The following RABGAP1 variants were observed in gnomAD, a reference collection of about 807,000 sequenced individuals.
The protein encoded by RABGAP1 is RAB GTPase activating protein 1.
Under a neutral mutation model 137.6 loss-of-function variants are expected in RABGAP1, and 23 were observed. The ratio of observed to expected loss-of-function variants is 0.17; its 90% CI spans 0.12 to 0.24. RABGAP1 has a LOEUF of 0.24. RABGAP1 is among the 10% of genes least tolerant of loss of function. The pLI is 1.00. For missense variants in RABGAP1, 906 were observed against 1,275.8 expected (o/e 0.71, Z 4.42); for synonymous variants, 451 against 450.7 (o/e 1.00, Z -0.01).
intron 13 of RABGAP1, among the ~76,000 whole-genome samples, chr9:123,027,084 T>C (rs371894432): frequency 1.1e-4 from 16 of 151,744 alleles, no homozygotes; most frequent in East Asian, 3.9e-4. Context: ...AAATAACCAA[T>C]ATTTACATTT....
intron 19 of RABGAP1, among the ~76,000 whole-genome samples, chr9:123,079,884 T>C (rs2034654144): frequency 6.6e-6 from 1 of 152,196 alleles, no homozygotes; most frequent in Non-Finnish European, 1.5e-5. Flanking sequence ...CCTACTGGAA[T>C]GGAGGCTGTG....
At chr9:123,032,806 A>G (rs892043986) in intron 13 of RABGAP1, among the ~76,000 whole-genome samples, 2 of 152,226 alleles carry the variant, frequency 1.3e-5, no homozygotes, top group East Asian at 1.9e-4. Flanking sequence ...ACAATATAAT[A>G]TGATACAGTT....
intron 3 of RABGAP1, among the ~76,000 whole-genome samples, chr9:122,985,591 G>T (rs1446448783): frequency 8.4e-6 from 1 of 118,412 alleles, no homozygotes; most frequent in Non-Finnish European, 1.6e-5. Context: ...TCAGCCTGGC[G>T]ACAGAGCGAG....
In RABGAP1 at chr9:123,101,591, G is replaced by A; in HGVS notation, c.2915G>A (p.Cys972Tyr). The change falls in exon 25 of 26, where the codon TGC becomes TAC. Residue 972 changes from cysteine (C) to tyrosine (Y), a missense_variant. Cys to Tyr is a radical substitution (Grantham distance 194, BLOSUM62 -2). Transcript: ENST00000373647. The part of the protein sequence containing the change: ...IRQKVDDCER[C>Y]REFFNKEGRV... ...CAAAAAGTGGATGACTGTGAGCGGTGCCGGGAATTTTTCAACAAAGAAGGG... is the reference window on the plus strand; with the variant it reads ...CAAAAAGTGGATGACTGTGAGCGGTACCGGGAATTTTTCAACAAAGAAGGG... The A allele has an allele frequency of 6.2e-7, 1 of 1,614,076 alleles. No homozygotes were observed. The highest frequency in any genetic ancestry group is 8.5e-7 in the Non-Finnish European group (1 of 1,180,004).
At chr9:123,051,216 G>GTTTTTTTTTTTTTTTTTTTTTTTTTT (rs552457119) in intron 13 of RABGAP1, among the ~76,000 whole-genome samples, 1 of 34,280 alleles carries the variant, frequency 2.9e-5, no homozygotes, top group Non-Finnish European at 5.6e-5. Context: ...ATTCACCTTG[G>GTTTTTTTTTTTTTTTTTTTTTTTTTT]TTTTTTTTTT....
intron 1 of RABGAP1, among the ~76,000 whole-genome samples, chr9:122,941,911 G>A (rs1833593273): frequency 6.6e-6 from 1 of 152,234 alleles, no homozygotes; most frequent in African/African-American, 2.4e-5. Flanking sequence ...GGAAACAAAT[G>A]TCCTAGGAGA....
Position 122,957,163 on chromosome 9 carries a change from C to T in RABGAP1, c.104C>T (p.Thr35Ile), listed in dbSNP as rs775007107. Reference sequence around the variant, plus strand: ...TTGGTTTCCAGGCAAGGAGATGAGACACCATCTACAAATAATGGAAGTGAT... The same window carrying T: ...TTGGTTTCCAGGCAAGGAGATGAGATACCATCTACAAATAATGGAAGTGAT... Reference protein sequence around the residue: ...FVLVSRQGDETPSTNNGSDDE... With the variant: ...FVLVSRQGDEIPSTNNGSDDE... Residue 35 changes from threonine (T) to isoleucine (I), a missense_variant, in exon 2 of 26, where the codon ACA becomes ATA. By Grantham distance (89) the Thr-to-Ile change is moderately conservative (BLOSUM62 -1). Coordinates refer to ENST00000373647, the MANE Select transcript of RABGAP1 (RefSeq NM_012197.4). 9.6e-6 allele frequency: 15 copies of T among 1,570,620 alleles called. No homozygotes were observed. In the East Asian group the frequency reaches 3.2e-4, roughly 33 times the overall value.
In RABGAP1 at chr9:123,076,584, C is replaced by T. The variant is rs1372254663; in HGVS notation, c.2296-50C>T. Reference sequence around the variant, plus strand: ...CTGAGAATATAAAAAACTTCTTGTGCATCCTTATAGCAACACATTTTTTCT... The same window carrying T: ...CTGAGAATATAAAAAACTTCTTGTGTATCCTTATAGCAACACATTTTTTCT... On this transcript the variant is annotated intron_variant, in intron 18 of 25. Coordinates refer to ENST00000373647, the MANE Select transcript of RABGAP1 (RefSeq NM_012197.4). The T allele has an allele frequency of 2.5e-5, 39 of 1,541,862 alleles. 1 individual carries two copies. In the Admixed American group the frequency reaches 8.4e-4, roughly 33 times the overall value.
At chr9:122,939,593 T>C (rs1333001100), upstream of RABGAP1, 1 of 152,226 alleles carries the variant, frequency 6.6e-6, no homozygotes, top group Non-Finnish European at 1.5e-5. Flanking sequence ...TTTAAAAATG[T>C]ATGTTAAGAT....
chr9:123,034,775 C>T, intron 13 of RABGAP1: 1 of 1,613,626 alleles, frequency 6.2e-7, no homozygotes, highest in South Asian at 1.1e-5. Flanking sequence ...TTTATCCAGA[C>T]TATGGCATAT....
At chr9:122,992,860 A>C in intron 6 of RABGAP1, among the ~76,000 whole-genome samples, 1 of 151,120 alleles carries the variant, frequency 6.6e-6, no homozygotes. Flanking sequence ...TATTATACCT[A>C]AATATATTAG....
intron 14 of RABGAP1, among the ~76,000 whole-genome samples, chr9:123,066,852 C>G (rs1270524848): frequency 6.6e-6 from 1 of 152,150 alleles, no homozygotes; most frequent in African/African-American, 2.4e-5. Flanking sequence ...TGAAAAATTT[C>G]AAACGTAAAC....
chr9:123,031,714 G>C (rs1303420435), intron 13 of RABGAP1, among the ~76,000 whole-genome samples: 2 of 152,136 alleles, frequency 1.3e-5, no homozygotes, highest in Non-Finnish European at 1.5e-5. Context: ...CGGAGTGCCT[G>C]GGAAAATGTT....
chr9:122,966,349 G>A (rs557365891), intron 2 of RABGAP1, among the ~76,000 whole-genome samples: 6 of 151,896 alleles, frequency 4.0e-5, no homozygotes, highest in South Asian at 2.1e-4. Flanking sequence ...ACATGGTGAC[G>A]CCCTATTTCT....
intron 1 of RABGAP1, among the ~76,000 whole-genome samples, chr9:122,944,427 A>G (rs1477854039): frequency 6.6e-6 from 1 of 152,036 alleles, no homozygotes; most frequent in Non-Finnish European, 1.5e-5. Context: ...ACTGGGTTTC[A>G]CTGTGTGGCC....
chr9:123,101,851 G>A (rs367806853), intron 25 of RABGAP1, 88 bp downstream of exon 25: 6 of 1,359,182 alleles, frequency 4.4e-6, no homozygotes, highest in African/African-American at 3.0e-5. Context: ...TATGGTTTGG[G>A]GTTTTTCCAC....
intron 1 of RABGAP1, among the ~76,000 whole-genome samples, chr9:122,950,750 C>T (rs2131601868): frequency 6.6e-6 from 1 of 152,144 alleles, no homozygotes; most frequent in East Asian, 1.9e-4. Flanking sequence ...AACACAAATA[C>T]CCATGTGGAA....
intron 2 of RABGAP1, among the ~76,000 whole-genome samples, chr9:122,958,873 G>A (rs1834688783): frequency 6.6e-6 from 1 of 152,016 alleles, no homozygotes; most frequent in South Asian, 2.1e-4. Context: ...GCCAGGTGTG[G>A]TGGCACACAC....
At chr9:123,018,295 G>A (rs2031383217) in intron 12 of RABGAP1, among the ~76,000 whole-genome samples, 1 of 152,176 alleles carries the variant, frequency 6.6e-6, no homozygotes, top group Non-Finnish European at 1.5e-5. Context: ...AAAATAGGTT[G>A]CTAAGTTGGA....
Sources: allele counts gnomAD v4.1 joint callset (sites outside exome capture counted in the v4.1 genomes callset), GRCh38; gene constraint gnomAD v4.1.1; transcripts MANE v1.5; gene names NCBI Gene and HGNC (gene_info 2026-07-23, HGNC 2026-07-21).